BCKDHB: variants seen among roughly 807,000 people sequenced by gnomAD.
BCKDHB encodes branched chain keto acid dehydrogenase E1 subunit beta, also known as 2-oxoisovalerate dehydrogenase subunit beta, mitochondrial.
Under a neutral mutation model 48.5 loss-of-function variants are expected in BCKDHB, and 41 were observed. That is an observed-to-expected ratio of 0.85 (90% CI 0.66 to 1.10). The LOEUF (loss-of-function observed/expected upper bound fraction) is 1.10, where lower values mean the gene tolerates loss of function less well. BCKDHB is among the 50% of genes least tolerant of loss of function. The pLI is 0.00. For synonymous variants in BCKDHB, 201 were observed against 174.8 expected (o/e 1.15, Z -1.18); for missense variants, 496 against 494.2 (o/e 1.00, Z -0.03).
chr6:80,399,217 T>C, the BCKDHB span, among the ~76,000 whole-genome samples: 2 of 152,102 alleles, frequency 1.3e-5, no homozygotes, highest in Admixed American at 6.6e-5. Flanking sequence ...TTTCTTTCAC[T>C]ACTATTATTA....
At chr6:80,228,580 G>A (rs1301946941) in intron 8 of BCKDHB, among the ~76,000 whole-genome samples, 1 of 152,180 alleles carries the variant, frequency 6.6e-6, no homozygotes, top group Non-Finnish European at 1.5e-5. Context: ...ATGAATATGG[G>A]TGTTGAAGTG....
At chr6:80,438,573 A>G in the BCKDHB span, among the ~76,000 whole-genome samples, 1 of 152,228 alleles carries the variant, frequency 6.6e-6, no homozygotes, top group African/African-American at 2.4e-5. Context: ...ATGAAATTCC[A>G]AGATTCCTCA....
the BCKDHB span, among the ~76,000 whole-genome samples, chr6:80,390,784 G>T: frequency 6.6e-6 from 1 of 152,138 alleles, no homozygotes. Flanking sequence ...AATACTAAGT[G>T]TCAATGTGAT....
chr6:80,148,938 T>G (rs1000787107), intron 3 of BCKDHB, among the ~76,000 whole-genome samples: 5 of 151,932 alleles, frequency 3.3e-5, no homozygotes, highest in African/African-American at 4.8e-5. Context: ...AACACCAAAA[T>G]CAATGGCAAC....
chr6:80,127,027 T>G (rs1374042356), intron 1 of BCKDHB, among the ~76,000 whole-genome samples: 1 of 152,160 alleles, frequency 6.6e-6, no homozygotes, highest in Non-Finnish European at 1.5e-5. Context: ...TAAGAAGGAC[T>G]AAATATGATG....
At chr6:80,192,604 G>T (rs1773948580) in intron 6 of BCKDHB, among the ~76,000 whole-genome samples, 1 of 152,114 alleles carries the variant, frequency 6.6e-6, no homozygotes, top group Admixed American at 6.5e-5. Flanking sequence ...AAGGGTAATT[G>T]CAAAGATTGA....
chr6:80,442,547 C>T, the BCKDHB span, among the ~76,000 whole-genome samples: 2 of 152,106 alleles, frequency 1.3e-5, no homozygotes, highest in Non-Finnish European at 2.9e-5. Context: ...TAAGCTTAGC[C>T]ATGAGAATGG....
At chr6:80,112,420 T>G (rs117850545) in intron 1 of BCKDHB, among the ~76,000 whole-genome samples, 2,792 of 152,200 alleles carry the variant, frequency 0.018, 46 homozygotes, top group Non-Finnish European at 0.029. Flanking sequence ...AGGCCAACCC[T>G]ACTTAGAACA....
chr6:80,332,707 A>T (rs1393164481), intron 9 of BCKDHB, among the ~76,000 whole-genome samples: 1 of 4,404 alleles, frequency 2.3e-4, no homozygotes, highest in East Asian at 0.01. Context: ...CCCTTATAGT[A>T]AAAAAAAAAA....
At chr6:80,317,669 C>T (rs535088831) in intron 9 of BCKDHB, among the ~76,000 whole-genome samples, 4 of 152,268 alleles carry the variant, frequency 2.6e-5, no homozygotes, top group Admixed American at 6.5e-5. Context: ...GTAACATATT[C>T]GTAGTTCGAA....
At chr6:80,451,686 A>C in the BCKDHB span, among the ~76,000 whole-genome samples, 1 of 151,646 alleles carries the variant, frequency 6.6e-6, no homozygotes, top group African/African-American at 2.4e-5. Context: ...CGGAGATCAC[A>C]CCACTATACT....
At chr6:80,309,397 ATT>A (rs1768043069) in intron 9 of BCKDHB, among the ~76,000 whole-genome samples, 1 of 152,122 alleles carries the variant, frequency 6.6e-6, no homozygotes, top group African/African-American at 2.4e-5. Context: ...AAATTTTAAT[ATT>A]GGGAGCTATT....
At chr6:80,250,778 A>G (rs949246087) in intron 8 of BCKDHB, among the ~76,000 whole-genome samples, 33 of 152,196 alleles carry the variant, frequency 2.2e-4, no homozygotes, top group Non-Finnish European at 8.8e-5. Flanking sequence ...GATATACAGC[A>G]TGCTTATCTA....
At chr6:80,439,275 A>G in the BCKDHB span, among the ~76,000 whole-genome samples, 1 of 152,154 alleles carries the variant, frequency 6.6e-6, no homozygotes, top group Non-Finnish European at 1.5e-5. Flanking sequence ...ACTCAGTCGC[A>G]TTTACTACTG....
intron 9 of BCKDHB, among the ~76,000 whole-genome samples, chr6:80,284,812 T>C (rs1008424732): frequency 6.6e-6 from 1 of 152,158 alleles, no homozygotes. Context: ...ACAGGATTAG[T>C]TTGCTCTCTT....
the BCKDHB span, among the ~76,000 whole-genome samples, chr6:80,389,304 A>G: frequency 4.6e-5 from 7 of 152,322 alleles, no homozygotes; most frequent in African/African-American, 1.4e-4. Flanking sequence ...CCACTCACCA[A>G]GGCTGACCTG....
At chr6:80,348,882 C>A (rs1043615987), downstream of BCKDHB, among the ~76,000 whole-genome samples, 3 of 152,026 alleles carry the variant, frequency 2.0e-5, no homozygotes, top group African/African-American at 7.2e-5. Context: ...GATTTAGAAA[C>A]CCTGGCACCT....
At chr6:80,343,187 C>T (rs916067031) in intron 9 of BCKDHB, among the ~76,000 whole-genome samples, 1 of 152,316 alleles carries the variant, frequency 6.6e-6, no homozygotes, top group South Asian at 2.1e-4. Context: ...GAGATGAGAA[C>T]ACAGTTAAGT....
chr6:80,212,895 TCTC>T (rs1378507057), intron 8 of BCKDHB, among the ~76,000 whole-genome samples: 1 of 152,198 alleles, frequency 6.6e-6, no homozygotes, highest in African/African-American at 2.4e-5. Context: ...TCTTTCCTCT[TCTC>T]TGTAGTGATT....
Sources: allele counts gnomAD v4.1 joint callset (sites outside exome capture counted in the v4.1 genomes callset), GRCh38; gene constraint gnomAD v4.1.1; transcripts MANE v1.5; gene names NCBI Gene and HGNC (gene_info 2026-07-23, HGNC 2026-07-21).